SIRT1: variants seen among roughly 807,000 people sequenced by gnomAD.
SIRT1 encodes the protein sirtuin 1, also known as NAD-dependent protein deacetylase sirtuin-1.
In SIRT1, 24 loss-of-function variants were observed where a neutral mutation model predicts 67.9. That is an observed-to-expected ratio of 0.35 (90% CI 0.26 to 0.50). SIRT1 has a LOEUF of 0.50. Among genes scored for constraint, SIRT1 ranks in the 20% least tolerant of loss-of-function variants. The pLI is 0.98. For synonymous variants in SIRT1, 378 were observed against 350.7 expected (o/e 1.08, Z -0.87); for missense variants, 873 against 937.2 (o/e 0.93, Z 0.89).
At chr10:67,895,071 C>T (rs1298648600) in intron 4 of SIRT1, among the ~76,000 whole-genome samples, 1 of 151,466 alleles carries the variant, frequency 6.6e-6, no homozygotes, top group Non-Finnish European at 1.5e-5. Context: ...AGTTGTTACT[C>T]ACATATAATT....
intron 4 of SIRT1, among the ~76,000 whole-genome samples, chr10:67,896,513 C>T (rs568599393): frequency 1.1e-4 from 16 of 152,092 alleles, no homozygotes; most frequent in African/African-American, 3.4e-4. Flanking sequence ...TGTCCCTGGC[C>T]GGCCAGGTGC....
At chr10:67,909,125 C>A in intron 6 of SIRT1, 131 bp from the exon 7 acceptor site, 1 of 604,126 alleles carries the variant, frequency 1.7e-6, no homozygotes, top group Non-Finnish European at 2.8e-6. Flanking sequence ...GCTGTTTATC[C>A]ATAGCTTTTC....
At chr10:67,889,534 G>A (rs1842536093) in intron 3 of SIRT1, among the ~76,000 whole-genome samples, 1 of 152,184 alleles carries the variant, frequency 6.6e-6, no homozygotes, top group Non-Finnish European at 1.5e-5. Flanking sequence ...GTTGGGAAGA[G>A]TAACAGATTC....
chr10:67,906,220 C>T, intron 4 of SIRT1: 1 of 1,493,150 alleles, frequency 6.7e-7, no homozygotes, highest in South Asian at 1.4e-5. Flanking sequence ...AATCCAGCAA[C>T]TCAGCATTCA....
chr10:67,885,487 TC>T (rs1767956932), intron 1 of SIRT1: 3 of 959,678 alleles, frequency 3.1e-6, no homozygotes, highest in Non-Finnish European at 3.9e-6. Context: ...GCTTTTTTTT[TC>T]TTTTTCTTTA....
chr10:67,910,191 A>G (rs1842878219), intron 7 of SIRT1, among the ~76,000 whole-genome samples: 1 of 152,006 alleles, frequency 6.6e-6, no homozygotes, highest in Non-Finnish European at 1.5e-5. Flanking sequence ...CCTGGCCAAC[A>G]TGGTGAAACC....
At chr10:67,889,882 A>G (rs1302619741) in intron 3 of SIRT1, among the ~76,000 whole-genome samples, 1 of 152,362 alleles carries the variant, frequency 6.6e-6, no homozygotes, top group South Asian at 2.1e-4. Context: ...TGATGAAACA[A>G]TAACTTCTGA....
At chr10:67,914,515 T>G (rs2029868321) in intron 8 of SIRT1, among the ~76,000 whole-genome samples, 1 of 152,112 alleles carries the variant, frequency 6.6e-6, no homozygotes, top group African/African-American at 2.4e-5. Flanking sequence ...CGTTTGCAAA[T>G]CGTGGCAGAA....
intron 3 of SIRT1, among the ~76,000 whole-genome samples, chr10:67,889,758 T>C (rs1035986807): frequency 1.3e-5 from 2 of 152,202 alleles, no homozygotes; most frequent in African/African-American, 4.8e-5. Flanking sequence ...GGGTGTTACA[T>C]AATCTTAGAT....
intron 4 of SIRT1, among the ~76,000 whole-genome samples, chr10:67,897,369 A>T (rs192413484): frequency 3.9e-4 from 57 of 144,336 alleles, no homozygotes; most frequent in Non-Finnish European, 5.5e-4. Flanking sequence ...CTCACTTGCA[A>T]CCTCCGCCTC....
chr10:67,893,344 G>T (rs1183320729), intron 4 of SIRT1, among the ~76,000 whole-genome samples: 1 of 152,072 alleles, frequency 6.6e-6, no homozygotes, highest in Non-Finnish European at 1.5e-5. Flanking sequence ...TCCCCACCCT[G>T]TGTCCATGTG....
intron 4 of SIRT1, among the ~76,000 whole-genome samples, chr10:67,893,034 A>G (rs1398050492): frequency 3.3e-5 from 5 of 152,264 alleles, no homozygotes; most frequent in Non-Finnish European, 7.3e-5. Context: ...AGATTGAGTC[A>G]TTAGAAAACT....
chr10:67,896,559 G>T (rs769205492), intron 4 of SIRT1, among the ~76,000 whole-genome samples: 10 of 152,022 alleles, frequency 6.6e-5, no homozygotes, highest in Non-Finnish European at 1.5e-4. Context: ...ACTTTGGGAG[G>T]CTGAGGTGGG....
chr10:67,901,320 G>A (rs1036541632), intron 4 of SIRT1, among the ~76,000 whole-genome samples: 37 of 151,966 alleles, frequency 2.4e-4, no homozygotes, highest in African/African-American at 8.5e-4. Context: ...ATTTTTGGTA[G>A]AGATGGGGTC....
At chr10:67,901,906 T>C (rs756355454) in intron 4 of SIRT1, among the ~76,000 whole-genome samples, 1 of 152,244 alleles carries the variant, frequency 6.6e-6, no homozygotes, top group Non-Finnish European at 1.5e-5. Flanking sequence ...AAGCTAATAT[T>C]CATTACTTCA....
intron 7 of SIRT1, among the ~76,000 whole-genome samples, chr10:67,910,455 A>C (rs1413011530): frequency 6.6e-6 from 1 of 152,232 alleles, no homozygotes; most frequent in East Asian, 1.9e-4. Context: ...GGTAGAGTTC[A>C]ACTTAGACTT....
rs1392263399 is a variant in SIRT1, at chr10:67,917,870, T to C, written c.*1277T>C. The C allele has an allele frequency of 6.6e-6, 1 of 152,588 alleles. No homozygotes were observed. Among genetic ancestry groups the C allele is most frequent in the African/African-American group, 2.4e-5 (1 of 41,468 alleles). The allele number at this position is 152,588 out of a possible 1,614,324, so 9.5% of individuals were successfully genotyped here. On this transcript the variant is annotated 3_prime_UTR_variant, in exon 9 of 9. Coordinates refer to ENST00000212015, the MANE Select transcript of SIRT1 (RefSeq NM_012238.5). ...TCTAGTCTTTCAAGAAGTTCATACT[T>C]TATGAAATTGCACAGTAAGCATTTA...
intron 1 of SIRT1, chr10:67,885,510 C>A (rs1472608477): frequency 2.6e-6 from 2 of 763,670 alleles, no homozygotes; most frequent in African/African-American, 1.8e-5. Flanking sequence ...TTTTTATTTT[C>A]ATTGCTTTTC....
rs140457603 is a variant in SIRT1 at position 67,893,435 on chromosome 10, A to G, written c.942+1881A>G. On this transcript the variant is annotated intron_variant, in intron 4 of 8. Transcript: ENST00000212015. Reference sequence around the variant, plus strand: ...TTCTTGTGTTAGTTTGCTGAGGATGATGGCTTCCAGCGAAGGAGTCTTGTA... The same window carrying G: ...TTCTTGTGTTAGTTTGCTGAGGATGGTGGCTTCCAGCGAAGGAGTCTTGTA... Among the ~76,000 whole-genome samples the G allele has an allele frequency of 4.7e-4, 71 of 151,748 alleles. No individual in the cohort carries two copies. The East Asian group carries it at 0.013, about 28-fold the overall frequency.
Sources: allele counts gnomAD v4.1 joint callset (sites outside exome capture counted in the v4.1 genomes callset), GRCh38; gene constraint gnomAD v4.1.1; transcripts MANE v1.5; gene names NCBI Gene and HGNC (gene_info 2026-07-23, HGNC 2026-07-21).